Variants in CLIP1 observed in about 807,000 individuals in gnomAD.
The protein encoded by CLIP1 is CAP-Gly domain-containing linker protein 1.
Under a neutral mutation model 161.6 loss-of-function variants are expected in CLIP1, and 66 were observed. The ratio of observed to expected loss-of-function variants is 0.41; its 90% CI spans 0.33 to 0.50. The LOEUF is 0.50. Ranked by LOEUF, CLIP1 falls within the 20% of genes least tolerant of loss-of-function variation. The probability of loss-of-function intolerance (pLI) is 0.27; values close to 1 mark genes in which losing one functional copy is unlikely to be tolerated. For missense variants in CLIP1, 1,376 were observed against 1,702.0 expected (o/e 0.81, Z 3.37); for synonymous variants, 598 against 626.2 (o/e 0.96, Z 0.67).
At chr12:122,375,281 A>G (rs976895831) in intron 3 of CLIP1, among the ~76,000 whole-genome samples, 8 of 151,246 alleles carry the variant, frequency 5.3e-5, no homozygotes, top group African/African-American at 1.9e-4. Context: ...CTCTTCCTAA[A>G]TCTAAACCTT....
chr12:122,272,869 G>A lies in CLIP1; in HGVS notation c.*6C>T. 2 of 1,613,612 alleles carry A rather than the reference G, an allele frequency of 1.2e-6. No homozygotes were observed. The highest frequency in any genetic ancestry group is 1.7e-6 in the Non-Finnish European group (2 of 1,179,486). On this transcript the variant is annotated 3_prime_UTR_variant, in exon 26 of 26. Transcript: ENST00000620786. Reference sequence around the variant, plus strand: ...GAGCAAGCCCAGTTCTCCACTGGAGGCTTCATCAGAAGGTTTCGTCGTCAT... The same window carrying A: ...GAGCAAGCCCAGTTCTCCACTGGAGACTTCATCAGAAGGTTTCGTCGTCAT...
At position 122,350,750 on chromosome 12, in the gene CLIP1, C is replaced by T. The variant is rs1952993185; in HGVS notation, c.1401+361G>A. Among the ~76,000 whole-genome samples the T allele has an allele frequency of 6.0e-5, 9 of 150,814 alleles. No individual in the cohort carries two copies. The Middle Eastern group carries it at 0.017, about 287-fold the overall frequency. ...AACTCCACATCTAGAATGCCTTATGCTCCAGCCAGATATCATCTCTTTTGG... is the reference window on the plus strand; with the variant it reads ...AACTCCACATCTAGAATGCCTTATGTTCCAGCCAGATATCATCTCTTTTGG... On this transcript the variant is annotated intron_variant, in intron 9 of 25. Coordinates refer to ENST00000620786, the MANE Select transcript of CLIP1 (RefSeq NM_001247997.2).
chr12:122,403,536 T>C (rs1310487237), intron 1 of CLIP1, among the ~76,000 whole-genome samples: 1 of 144,652 alleles, frequency 6.9e-6, no homozygotes, highest in Non-Finnish European at 1.5e-5. Flanking sequence ...TTTGTTTTTT[T>C]GGCACAGAGT....
chr12:122,399,031 T>C (rs966000806), intron 1 of CLIP1, among the ~76,000 whole-genome samples: 4 of 151,076 alleles, frequency 2.6e-5, no homozygotes, highest in African/African-American at 9.7e-5. Context: ...TGGTGAAAAT[T>C]ATGTTCATAC....
chr12:122,296,735 A>G (rs1019226240), intron 20 of CLIP1, among the ~76,000 whole-genome samples: 1 of 151,950 alleles, frequency 6.6e-6, no homozygotes, highest in Non-Finnish European at 1.5e-5. Context: ...GCGGTGGCTC[A>G]TGCCTGTGGT....
chr12:122,403,114 T>C (rs1040733254), intron 1 of CLIP1, among the ~76,000 whole-genome samples: 1 of 152,210 alleles, frequency 6.6e-6, no homozygotes, highest in African/African-American at 2.4e-5. Context: ...AACATCCATC[T>C]TCTGTGCTCC....
chr12:122,299,612 C>CAAAAAAAAAAAAAAAAAAAAAAAAAA lies in CLIP1; in HGVS notation c.3594+10149_3594+10150insTTTTTTTTTTTTTTTTTTTTTTTTTT, dbSNP rs71082962. 3.5e-4 allele frequency among the ~76,000 whole-genome samples: 22 copies of CAAAAAAAAAAAAAAAAAAAAAAAAAA among 62,514 alleles called. 2 individuals carry two copies. The highest frequency in any genetic ancestry group is 1.5e-3 in the African/African-American group (22 of 14,340). 41.0% of individuals were successfully genotyped at this position (62,514 alleles called of 152,430 possible). On this transcript the variant is annotated intron_variant, in intron 20 of 25. Transcript: ENST00000620786. The stretch of plus-strand genomic sequence containing the variant: ...TTTTGTTTTTAAAGAATAAATTCAG[C>CAAAAAAAAAAAAAAAAAAAAAAAAAA]AAAAAAAAAAAAAAAAAAAAGATGC...
chr12:122,379,518 A>G (rs954270361), intron 2 of CLIP1, among the ~76,000 whole-genome samples: 2 of 151,570 alleles, frequency 1.3e-5, no homozygotes, highest in African/African-American at 2.4e-5. Flanking sequence ...GGACGCTGAG[A>G]GCCATGACAG....
intron 4 of CLIP1, among the ~76,000 whole-genome samples, chr12:122,362,711 GATAA>G (rs1478763341): frequency 2.4e-4 from 2 of 8,456 alleles, no homozygotes; most frequent in African/African-American, 7.8e-4. Context: ...ATAAAAATAT[GATAA>G]AAAAAAAAAA....
chr12:122,357,520 C>T (rs1953486205), intron 5 of CLIP1, among the ~76,000 whole-genome samples: 1 of 150,888 alleles, frequency 6.6e-6, no homozygotes, highest in African/African-American at 2.4e-5. Flanking sequence ...GGGGGTCAGC[C>T]CGCCACCCGG....
At position 122,299,644 on chromosome 12, in the gene CLIP1, C is replaced by T. The variant is rs557703581; in HGVS notation, c.3594+10118G>A. 2.6e-3 allele frequency among the ~76,000 whole-genome samples: 192 copies of T among 75,082 alleles called. 3 individuals are homozygous for T. The South Asian group carries it at 0.045, about 18-fold the overall frequency. 49.3% of individuals were successfully genotyped at this position (75,082 alleles called of 152,430 possible). On this transcript the variant is annotated intron_variant, in intron 20 of 25. Coordinates refer to ENST00000620786, the MANE Select transcript of CLIP1 (RefSeq NM_001247997.2). The stretch of plus-strand genomic sequence containing the variant: ...AAAAAAAAAAAAAAGATGCCGGGCG[C>T]GGTGGCTCATGCCTGCAATCCCAGC...
At chr12:122,286,091 T>A (rs1207521546) in intron 21 of CLIP1, among the ~76,000 whole-genome samples, 1 of 152,166 alleles carries the variant, frequency 6.6e-6, no homozygotes, top group Non-Finnish European at 1.5e-5. Flanking sequence ...AGCACATCAC[T>A]GTTGTGATAC....
At chr12:122,360,839 G>A in intron 5 of CLIP1, 120 bp downstream of exon 5, 1 of 789,670 alleles carries the variant, frequency 1.3e-6, no homozygotes, top group Non-Finnish European at 1.9e-6. Context: ...CACAGCAAAA[G>A]CTGTGAGCAA....
chr12:122,300,096 AAAAC>A (rs1158153802), intron 20 of CLIP1, among the ~76,000 whole-genome samples: 1 of 152,126 alleles, frequency 6.6e-6, no homozygotes, highest in Non-Finnish European at 1.5e-5. Context: ...TTCTCTACCA[AAAAC>A]AAACAAACCA....
At position 122,380,422 on chromosome 12, in the gene CLIP1, C is replaced by T; in HGVS notation, c.31G>A (p.Ala11Thr). Residue 11 changes from alanine (A) to threonine (T), a missense_variant, in exon 2 of 26, where the codon GCC becomes ACC. Ala to Thr is a moderately conservative substitution (Grantham distance 58). This residue lies in a region of CLIP1 where 66 missense variants were observed against 67.8 expected (regional missense o/e 0.97). Transcript: ENST00000620786. ...CCAGGCTTCAGGATCTTGGTGGGGG[C>T]CTTAAGCCCACTTGGCTTTAGCATA... is the stretch of plus-strand genomic sequence containing the variant. MSMLKPSGLK[A>T]PTKILKPGST... The T allele has an allele frequency of 1.9e-6, 3 of 1,613,394 alleles. No individual in the cohort carries two copies. The highest frequency in any genetic ancestry group is 2.5e-6 in the Non-Finnish European group (3 of 1,179,644).
At position 122,387,093 on chromosome 12, in the gene CLIP1, C is replaced by T. The variant is rs999251055; in HGVS notation, c.-106-6535G>A. On this transcript the variant is annotated intron_variant, in intron 1 of 25. Coordinates refer to ENST00000620786, the MANE Select transcript of CLIP1 (RefSeq NM_001247997.2). ...TGTTTGTAGAGATGGGGTTTCTCCA[C>T]ATTGCCCAGAATGGTCTTGAACTCC... Among the ~76,000 whole-genome samples, 5 of 152,184 alleles carry T rather than the reference C, an allele frequency of 3.3e-5. No individual in the cohort carries two copies. In the South Asian group the frequency reaches 1.0e-3, roughly 32 times the overall value.
At chr12:122,381,379 T>G (rs951242284) in intron 1 of CLIP1, among the ~76,000 whole-genome samples, 4 of 152,172 alleles carry the variant, frequency 2.6e-5, no homozygotes, top group African/African-American at 9.7e-5. Context: ...TGGGAAGTGA[T>G]GAGGGAAAAT....
rs1954789568 is a variant in CLIP1 at position 122,377,348 on chromosome 12, C to G, written c.657+41G>C. On this transcript the variant is annotated intron_variant, in intron 3 of 25. Coordinates refer to ENST00000620786, the MANE Select transcript of CLIP1 (RefSeq NM_001247997.2). ...TTCAACCACTCACTGGTGTTTATATCTCAGTTCAATGAAATGACCTCAGAA... is the reference window on the plus strand; with the variant it reads ...TTCAACCACTCACTGGTGTTTATATGTCAGTTCAATGAAATGACCTCAGAA... 3 of 1,548,102 alleles carry G rather than the reference C, an allele frequency of 1.9e-6. No homozygotes were observed. The Admixed American group carries it at 5.2e-5, about 27-fold the overall frequency.
intron 21 of CLIP1, among the ~76,000 whole-genome samples, chr12:122,285,226 TC>T (rs1284208085): frequency 3.8e-5 from 5 of 131,694 alleles, no homozygotes; most frequent in African/African-American, 1.7e-4. Context: ...GAGATACCAG[TC>T]CTTTTTTTTT....
Sources: allele counts gnomAD v4.1 joint callset (sites outside exome capture counted in the v4.1 genomes callset), GRCh38; gene constraint gnomAD v4.1.1; regional missense constraint gnomAD v4.1.1; transcripts MANE v1.5; gene names NCBI Gene and HGNC (gene_info 2026-07-23, HGNC 2026-07-21).